The following SNRPA variants were observed in gnomAD, a reference collection of about 807,000 sequenced individuals.
SNRPA encodes small nuclear ribonucleoprotein polypeptide A, also known as U1 small nuclear ribonucleoprotein A.
A neutral mutation model predicts 24.5 loss-of-function variants in SNRPA; 10 were observed. The observed-to-expected ratio is 0.41, with a 90% CI of 0.25 to 0.69. The LOEUF (loss-of-function observed/expected upper bound fraction) is 0.69. Ranked by LOEUF, SNRPA falls within the 30% of genes least tolerant of loss-of-function variation. The pLI is 0.33. For missense variants in SNRPA, 283 were observed against 394.7 expected, an observed-to-expected ratio of 0.72 and a Z score of 2.40; for synonymous variants, 165 against 148.4, an observed-to-expected ratio of 1.11 and a Z score of -0.81.
rs746525368 is a variant in SNRPA, at chr19:40,753,384, G to GTTTTT, written c.73+1929_73+1933dup. 5.7e-4 allele frequency among the ~76,000 whole-genome samples: 22 copies of GTTTTT among 38,390 alleles called. 1 individual carries two copies. The highest frequency in any genetic ancestry group is 1.5e-3 in the African/African-American group (13 of 8,898). The allele number at this position is 38,390 out of a possible 152,430, so 25.2% of individuals were successfully genotyped here. ...AATCAGGAGTGTAAATTTTGCATAT[G>GTTTTT]TTTTTTTTTTTTTTTTTTTTTTTTT... On this transcript the variant is annotated intron_variant, in intron 1 of 5. Coordinates refer to ENST00000243563, the MANE Select transcript of SNRPA (RefSeq NM_004596.5).
intron 4 of SNRPA, 179 bp from the exon 5 acceptor site, chr19:40,763,408 T>C: frequency 1.6e-6 from 1 of 645,148 alleles, no homozygotes; most frequent in East Asian, 2.7e-5. Flanking sequence ...CTGTGGCCTA[T>C]AGTCTGTAGG....
At chr19:40,752,318 C>G (rs180687652) in intron 1 of SNRPA, among the ~76,000 whole-genome samples, 13 of 150,310 alleles carry the variant, frequency 8.6e-5, no homozygotes, top group Admixed American at 6.0e-4. Flanking sequence ...GCCTGGGCAA[C>G]AAGAGCGAAA....
chr19:40,763,123 C>G (rs1043719121), intron 4 of SNRPA, 49 bp downstream of exon 4: 14 of 1,425,800 alleles, frequency 9.8e-6, no homozygotes, highest in Non-Finnish European at 1.3e-5. Flanking sequence ...AGTGAGAATA[C>G]AGGACTAGAA....
intron 3 of SNRPA, among the ~76,000 whole-genome samples, chr19:40,761,874 C>T (rs1321827367): frequency 2.6e-5 from 4 of 152,014 alleles, no homozygotes; most frequent in Admixed American, 6.6e-5. Flanking sequence ...CAAAAAGCAC[C>T]GAGTACAAAA....
At chr19:40,751,812 G>T (rs1268013159) in intron 1 of SNRPA, among the ~76,000 whole-genome samples, 1 of 152,106 alleles carries the variant, frequency 6.6e-6, no homozygotes, top group African/African-American at 2.4e-5. Flanking sequence ...CTGAGCTGTC[G>T]TGGGGCTCTC....
At chr19:40,758,009 C>T (rs759771095) in intron 2 of SNRPA, among the ~76,000 whole-genome samples, 50 of 151,622 alleles carry the variant, frequency 3.3e-4, no homozygotes, top group Non-Finnish European at 6.6e-4. Flanking sequence ...CTCTGTTGCC[C>T]AGGCTGGAGT....
At chr19:40,752,806 C>T (rs2082888423) in intron 1 of SNRPA, among the ~76,000 whole-genome samples, 1 of 152,046 alleles carries the variant, frequency 6.6e-6, no homozygotes, top group Non-Finnish European at 1.5e-5. Flanking sequence ...CTCTCACATT[C>T]TCAAGTAAAT....
intron 5 of SNRPA, among the ~76,000 whole-genome samples, chr19:40,764,166 T>C (rs956521962): frequency 1.3e-5 from 2 of 151,982 alleles, no homozygotes; most frequent in Admixed American, 1.3e-4. Context: ...AGTGAAGTCG[T>C]GGGTGTGGGT....
chr19:40,751,357 G>C lies in SNRPA; in HGVS notation c.-52G>C, dbSNP rs967328510. On this transcript the variant is annotated 5_prime_UTR_variant, in exon 1 of 6. Coordinates refer to ENST00000243563, the MANE Select transcript of SNRPA (RefSeq NM_004596.5). ...GGGACAAAGGATTTGGAGAAACCCA[G>C]GGCTAAAGTCACGTTTTTCCTCCTT... 2 of 1,390,210 alleles carry C rather than the reference G, an allele frequency of 1.4e-6. No homozygotes were observed. The highest frequency in any genetic ancestry group is 2.8e-5 in the African/African-American group (2 of 70,484). 86.1% of individuals were successfully genotyped at this position (1,390,210 alleles called of 1,614,324 possible). A position where few individuals can be genotyped will look rare whatever the true frequency, so the allele number is the denominator to read the frequency against.
chr19:40,761,569 C>T lies in SNRPA; in HGVS notation c.427-1332C>T, dbSNP rs543739729. On this transcript the variant is annotated intron_variant, in intron 3 of 5. Coordinates refer to ENST00000243563, the MANE Select transcript of SNRPA (RefSeq NM_004596.5). ...GCAACCTGCGCTTCCTGGGTTCAAG[C>T]GAGTCTCCTGCCCCTGCCTCCCGAG... is the stretch of plus-strand genomic sequence containing the variant. Among the ~76,000 whole-genome samples the T allele has an allele frequency of 5.7e-5, 8 of 140,700 alleles. No individual in the cohort carries two copies. In the South Asian group the frequency reaches 9.2e-4, roughly 16 times the overall value. The allele number at this position is 140,700 out of a possible 152,430, so 92.3% of individuals were successfully genotyped here.
chr19:40,763,338 C>T, intron 4 of SNRPA: 1 of 593,688 alleles, frequency 1.7e-6, no homozygotes, highest in East Asian at 2.8e-5. Context: ...TCCTTACGTG[C>T]CAGGCCCCGT....
At chr19:40,756,556 A>T (rs2082909269) in intron 1 of SNRPA, among the ~76,000 whole-genome samples, 1 of 150,450 alleles carries the variant, frequency 6.6e-6, no homozygotes, top group Non-Finnish European at 1.5e-5. Flanking sequence ...TGATCATGCC[A>T]CTGCACTCCA....
chr19:40,751,435 C>G lies in SNRPA; in HGVS notation c.27C>G (p.Asn9Lys), dbSNP rs2082860445. MAVPETRP[N>K]HTIYINNLNE... ...TGGCAGTTCCCGAGACCCGCCCTAA[C>G]CACACTATTTATATCAACAACCTCA... is the stretch of plus-strand genomic sequence containing the variant. Residue 9 changes from asparagine (N) to lysine (K), a missense_variant, in exon 1 of 6, where the codon AAC becomes AAG. By Grantham distance (94) the Asn-to-Lys change is moderately conservative. Transcript: ENST00000243563. The G allele has an allele frequency of 6.2e-7, 1 of 1,613,498 alleles. No homozygotes were observed. Among genetic ancestry groups the G allele is most frequent in the Non-Finnish European group, 8.5e-7 (1 of 1,179,614 alleles).
At chr19:40,756,269 TA>T (rs113404478) in intron 1 of SNRPA, among the ~76,000 whole-genome samples, 4,797 of 141,612 alleles carry the variant, frequency 0.034, 216 homozygotes, top group African/African-American at 0.11. Flanking sequence ...ATTCTGTCTT[TA>T]AAAAAAAAAA....
intron 1 of SNRPA, among the ~76,000 whole-genome samples, chr19:40,753,793 T>C (rs2082896201): frequency 6.6e-6 from 1 of 151,322 alleles, no homozygotes; most frequent in Admixed American, 6.6e-5. Flanking sequence ...TTAAATCTTA[T>C]TTTATTTATT....
At chr19:40,761,468 T>TTTTTTC (rs2082932365) in intron 3 of SNRPA, among the ~76,000 whole-genome samples, 1 of 110,222 alleles carries the variant, frequency 9.1e-6, no homozygotes, top group Non-Finnish European at 1.9e-5. Context: ...CTTTTTTTTT[T>TTTTTTC]TTTTTTTTTT....
intron 3 of SNRPA, 24 bp from the exon 4 acceptor site, chr19:40,762,877 G>C: frequency 6.2e-7 from 1 of 1,610,204 alleles, no homozygotes; most frequent in Non-Finnish European, 8.5e-7. Context: ...CTGTAACCAC[G>C]CACTCTCCTC....
In SNRPA at chr19:40,763,501, G is replaced by A. The variant is rs961116966; in HGVS notation, c.601-86G>A. 8.8e-6 allele frequency: 9 copies of A among 1,017,406 alleles called. No individual in the cohort carries two copies. The African/African-American group carries it at 1.4e-4, about 16-fold the overall frequency. The allele number at this position is 1,017,406 out of a possible 1,614,324, so 63.0% of individuals were successfully genotyped here. A position where few individuals can be genotyped will look rare whatever the true frequency, so the allele number is the denominator to read the frequency against. On this transcript the variant is annotated intron_variant, in intron 4 of 5. Coordinates refer to ENST00000243563, the MANE Select transcript of SNRPA (RefSeq NM_004596.5). ...AAGTACCAGAGTGAATTCAAGCAGG[G>A]TGAGGGATGGAGGAAGTGGCAGTAC...
At chr19:40,757,287 C>G (rs1266447422) in intron 1 of SNRPA, 45 bp from the exon 2 acceptor site, 1 of 1,601,420 alleles carries the variant, frequency 6.2e-7, no homozygotes. Flanking sequence ...GGCTGCGCTT[C>G]TTCTAAAAAG....
Sources: allele counts gnomAD v4.1 joint callset (sites outside exome capture counted in the v4.1 genomes callset), GRCh38; gene constraint gnomAD v4.1.1; transcripts MANE v1.5; gene names NCBI Gene and HGNC (gene_info 2026-07-23, HGNC 2026-07-21).